C8orf34: variants seen among roughly 807,000 people sequenced by gnomAD.
C8orf34 encodes chromosome 8 open reading frame 34, also known as uncharacterized protein C8orf34.
Under a neutral mutation model 68.3 loss-of-function variants are expected in C8orf34, and 65 were observed. The ratio of observed to expected loss-of-function variants is 0.95; its 90% CI spans 0.78 to 1.17. The LOEUF is 1.17. Among genes scored for constraint, C8orf34 ranks in the 50% most tolerant of loss-of-function variants. The pLI is 0.00. For synonymous variants in C8orf34, 244 were observed against 241.2 expected (o/e 1.01, Z -0.11); for missense variants, 664 against 655.4 (o/e 1.01, Z -0.14).
At chr8:68,389,656 A>G (rs1002571238) in intron 1 of C8orf34, among the ~76,000 whole-genome samples, 2 of 152,150 alleles carry the variant, frequency 1.3e-5, no homozygotes, top group African/African-American at 4.8e-5. Flanking sequence ...TTGCTTAGGA[A>G]CTCAGAATTT....
At chr8:68,766,754 T>C (rs1379648935) in intron 10 of C8orf34, among the ~76,000 whole-genome samples, 1 of 152,234 alleles carries the variant, frequency 6.6e-6, no homozygotes, top group Non-Finnish European at 1.5e-5. Flanking sequence ...AAAACTGTAG[T>C]TTAATATTAG....
At chr8:68,513,095 C>A (rs1477817578) in intron 5 of C8orf34, among the ~76,000 whole-genome samples, 2 of 152,174 alleles carry the variant, frequency 1.3e-5, no homozygotes, top group Non-Finnish European at 2.9e-5. Flanking sequence ...TTTCATCTGA[C>A]CTGCATATTT....
intron 8 of C8orf34, among the ~76,000 whole-genome samples, chr8:68,707,964 ATAG>A (rs1273755526): frequency 6.6e-6 from 1 of 152,200 alleles, no homozygotes; most frequent in Non-Finnish European, 1.5e-5. Flanking sequence ...TAAAAAGGAA[ATAG>A]TAGAGAATAT....
At chr8:68,705,115 C>T (rs1048698534) in intron 8 of C8orf34, among the ~76,000 whole-genome samples, 1 of 152,106 alleles carries the variant, frequency 6.6e-6, no homozygotes, top group Admixed American at 6.6e-5. Context: ...CAGAGTGATT[C>T]GGAAGATGAG....
chr8:68,461,342 A>T (rs892736879), intron 3 of C8orf34, among the ~76,000 whole-genome samples: 1 of 152,232 alleles, frequency 6.6e-6, no homozygotes, highest in Non-Finnish European at 1.5e-5. Context: ...GACAGGGAGA[A>T]TGGAACCAGG....
At chr8:68,659,723 T>C (rs1443467612) in intron 8 of C8orf34, among the ~76,000 whole-genome samples, 1 of 152,120 alleles carries the variant, frequency 6.6e-6, no homozygotes, top group Non-Finnish European at 1.5e-5. Flanking sequence ...CAGTTTTCTA[T>C]TAGTTCAGTC....
chr8:68,595,120 T>TAA (rs369079634), intron 7 of C8orf34, among the ~76,000 whole-genome samples: 5,418 of 133,210 alleles, frequency 0.041, 120 homozygotes, highest in Admixed American at 0.062. Flanking sequence ...TTAAAAATGG[T>TAA]AAAAAAAAAA....
At chr8:68,474,733 T>C (rs1320889632) in intron 4 of C8orf34, among the ~76,000 whole-genome samples, 3 of 152,228 alleles carry the variant, frequency 2.0e-5, no homozygotes, top group Non-Finnish European at 1.5e-5. Flanking sequence ...CACTGACTTT[T>C]AAGGTCACTG....
Position 68,529,757 on chromosome 8 carries a change from GT to G in C8orf34, c.939-3223del. 1.3e-5 allele frequency among the ~76,000 whole-genome samples: 2 copies of G among 152,134 alleles called. 1 individual carries two copies. Among genetic ancestry groups the G allele is most frequent in the Admixed American group, 1.3e-4 (2 of 15,292 alleles). On this transcript the variant is annotated intron_variant, in intron 6 of 13. Transcript: ENST00000518698. ...GTAAGTAGGCATGTTTTGATAATAT[GT>G]TTGCCTTTTAGAAATAATTATATTA...
chr8:68,621,500 A>G (rs1027602417), intron 7 of C8orf34, among the ~76,000 whole-genome samples: 1 of 152,246 alleles, frequency 6.6e-6, no homozygotes. Context: ...AAATAATTTA[A>G]AATAGCAAAA....
chr8:68,633,442 A>C (rs1267681076), intron 7 of C8orf34, among the ~76,000 whole-genome samples: 1 of 152,202 alleles, frequency 6.6e-6, no homozygotes, highest in Non-Finnish European at 1.5e-5. Context: ...TCTTCTTAAC[A>C]TTCTTCTCTC....
At chr8:68,776,587 A>G in intron 11 of C8orf34, 138 bp downstream of exon 11, 1 of 606,918 alleles carries the variant, frequency 1.6e-6, no homozygotes, top group Non-Finnish European at 2.8e-6. Flanking sequence ...CAAAAACAGG[A>G]TAATAAATAA....
chr8:68,731,279 A>G (rs768078116), intron 10 of C8orf34, among the ~76,000 whole-genome samples: 4 of 152,178 alleles, frequency 2.6e-5, no homozygotes, highest in Non-Finnish European at 5.9e-5. Context: ...CCTTTTAACC[A>G]CATTCATCTA....
rs150231708 is a variant in C8orf34 at position 68,813,673 on chromosome 8, T to G, written c.1550-2213T>G. Among the ~76,000 whole-genome samples, 558 of 152,328 alleles carry G rather than the reference T, an allele frequency of 3.7e-3. 3 individuals are homozygous for G. The highest frequency in any genetic ancestry group is 0.012 in the African/African-American group (504 of 41,576). On this transcript the variant is annotated intron_variant, in intron 12 of 13. Transcript: ENST00000518698. ...TTGCCCTGTGCCAAGCACCATGAGA[T>G]AGCATCAACATTCTACCTGAAATTC...
At chr8:68,459,995 C>A (rs993842221) in intron 3 of C8orf34, among the ~76,000 whole-genome samples, 1 of 152,182 alleles carries the variant, frequency 6.6e-6, no homozygotes, top group African/African-American at 2.4e-5. Context: ...GGCATTGCCT[C>A]ACTCGGGAAA....
intron 1 of C8orf34, among the ~76,000 whole-genome samples, chr8:68,379,726 C>A (rs1029633273): frequency 3.7e-4 from 57 of 152,174 alleles, no homozygotes; most frequent in African/African-American, 1.4e-3. Flanking sequence ...AAACCTTGTC[C>A]AGTGTAGGCC....
At chr8:68,624,160 T>C (rs1235873117) in intron 7 of C8orf34, among the ~76,000 whole-genome samples, 1 of 150,816 alleles carries the variant, frequency 6.6e-6, no homozygotes, top group Non-Finnish European at 1.5e-5. Context: ...TAATCCCAGC[T>C]AATTGGGAGG....
intron 7 of C8orf34, among the ~76,000 whole-genome samples, chr8:68,603,676 A>G (rs1045750007): frequency 7.2e-5 from 11 of 152,118 alleles, no homozygotes; most frequent in Admixed American, 2.0e-4. Context: ...TTTCATTTAC[A>G]TAAATTTCAA....
At chr8:68,357,566 C>T (rs1806801945) in intron 1 of C8orf34, among the ~76,000 whole-genome samples, 1 of 152,096 alleles carries the variant, frequency 6.6e-6, no homozygotes, top group African/African-American at 2.4e-5. Context: ...TCATTTACAT[C>T]AACTTCTAAG....
Sources: gnomAD v4.1 joint callset for allele counts (sites outside exome capture counted in the v4.1 genomes callset) on GRCh38, gnomAD v4.1.1 for gene constraint, MANE v1.5 for transcripts, NCBI Gene and HGNC (gene_info 2026-07-23, HGNC 2026-07-21) for gene names.